FUT8: variants seen among roughly 807,000 people sequenced by gnomAD.
FUT8 encodes alpha-(1,6)-fucosyltransferase.
FUT8 carries 29 observed loss-of-function variants against 71.3 expected under a neutral mutation model. That is an observed-to-expected ratio of 0.41 (90% confidence interval 0.30 to 0.55). The LOEUF (loss-of-function observed/expected upper bound fraction) is 0.55. Among genes scored for constraint, FUT8 ranks in the 20% least tolerant of loss-of-function variants. The pLI is 0.34. For missense variants in FUT8, 544 were observed against 702.1 expected, an observed-to-expected ratio of 0.77 and a Z score of 2.55; for synonymous variants, 254 against 239.3, an observed-to-expected ratio of 1.06 and a Z score of -0.57.
At chr14:65,703,236 A>T (rs1894398985) in intron 7 of FUT8, among the ~76,000 whole-genome samples, 1 of 152,238 alleles carries the variant, frequency 6.6e-6, no homozygotes, top group East Asian at 1.9e-4. Context: ...AGCAATGGCA[A>T]GCCAAAGCCT....
chr14:65,679,964 A>C (rs557882646), intron 7 of FUT8, among the ~76,000 whole-genome samples: 27 of 152,294 alleles, frequency 1.8e-4, no homozygotes, highest in Admixed American at 1.6e-3. Context: ...TGACAGAGTT[A>C]AATGGTTCCA....
chr14:65,689,901 T>G lies in FUT8; in HGVS notation c.835+20421T>G, dbSNP rs182927427. ...ATTGTTTTATTTTATGGATTGTGCT[T>G]TTGGTGTTATATCTGAAAACTCATT... On this transcript the variant is annotated intron_variant, in intron 7 of 10. Transcript: ENST00000673929. Among the ~76,000 whole-genome samples, 499 of 152,328 alleles carry G rather than the reference T, an allele frequency of 3.3e-3. 3 individuals are homozygous for G. The highest frequency in any genetic ancestry group is 0.011 in the African/African-American group (450 of 41,572).
At chr14:65,411,836 A>T (rs1363801159), upstream of FUT8, 5 of 354,876 alleles carry the variant, frequency 1.4e-5, no homozygotes, top group East Asian at 3.9e-4. Context: ...CGCAGCTCTG[A>T]TTGGCCTCGG....
rs185381034 is a variant in FUT8 at position 65,683,961 on chromosome 14, T to A, written c.835+14481T>A. ...CCCTATTCTATTGTGGATATATAATTGAAATTAAATGTTTCTCATTTGAAT... is the reference window on the plus strand; with the variant it reads ...CCCTATTCTATTGTGGATATATAATAGAAATTAAATGTTTCTCATTTGAAT... On this transcript the variant is annotated intron_variant, in intron 7 of 10. Coordinates refer to ENST00000673929, the MANE Select transcript of FUT8 (RefSeq NM_001371533.1). Among the ~76,000 whole-genome samples, 430 of 152,088 alleles carry A rather than the reference T, an allele frequency of 2.8e-3. 1 individual carries two copies. Among genetic ancestry groups the A allele is most frequent in the Non-Finnish European group, 4.4e-3 (297 of 67,944 alleles).
intron 2 of FUT8, among the ~76,000 whole-genome samples, chr14:65,491,874 A>G: frequency 6.6e-6 from 1 of 152,180 alleles, no homozygotes; most frequent in South Asian, 2.1e-4. Flanking sequence ...TCATCATCAC[A>G]ATCTTTTTGT....
At chr14:65,716,725 G>A (rs1303295957) in intron 7 of FUT8, among the ~76,000 whole-genome samples, 1 of 151,966 alleles carries the variant, frequency 6.6e-6, no homozygotes, top group East Asian at 1.9e-4. Flanking sequence ...ATCATGGCCT[G>A]TTCTCGATGG....
chr14:65,449,438 C>CA (rs911295528), intron 1 of FUT8, among the ~76,000 whole-genome samples: 1 of 151,798 alleles, frequency 6.6e-6, no homozygotes, highest in Non-Finnish European at 1.5e-5. Context: ...TTCTTTTTGC[C>CA]AAAACAGAAA....
upstream of FUT8, among the ~76,000 whole-genome samples, chr14:65,406,209 A>G (rs1463832763): frequency 6.6e-6 from 1 of 152,256 alleles, no homozygotes; most frequent in Non-Finnish European, 1.5e-5. Context: ...AACATTTACT[A>G]TATGTCAAGA....
chr14:65,445,546 A>C (rs2065726385), intron 1 of FUT8, among the ~76,000 whole-genome samples: 1 of 152,164 alleles, frequency 6.6e-6, no homozygotes, highest in African/African-American at 2.4e-5. Flanking sequence ...ATGGATATAC[A>C]TGTGTTGAAA....
chr14:65,717,509 AC>A (rs1895176380), intron 7 of FUT8, among the ~76,000 whole-genome samples: 1 of 112,460 alleles, frequency 8.9e-6, no homozygotes, highest in Admixed American at 1.0e-4. Context: ...GGCGCTCCTC[AC>A]CTCCCAGACG....
chr14:65,653,087 G>A (rs1222150445), intron 6 of FUT8, among the ~76,000 whole-genome samples: 1 of 152,152 alleles, frequency 6.6e-6, no homozygotes, highest in Non-Finnish European at 1.5e-5. Context: ...AAGTCACATA[G>A]CATCACTTCT....
rs148379140 is a variant in FUT8, at chr14:65,693,612, G to T, written c.835+24132G>T. Among the ~76,000 whole-genome samples, 681 of 152,284 alleles carry T rather than the reference G, an allele frequency of 4.5e-3. 4 individuals carry two copies. The highest frequency in any genetic ancestry group is 0.014 in the African/African-American group (574 of 41,542). On this transcript the variant is annotated intron_variant, in intron 7 of 10. Transcript: ENST00000673929. ...TTTGATTTGCTAATATTTTGTTGAGGATTTTGCATCTACATTAATGAGAGC... is the reference window on the plus strand; with the variant it reads ...TTTGATTTGCTAATATTTTGTTGAGTATTTTGCATCTACATTAATGAGAGC...
At chr14:65,680,464 A>C (rs1892986066) in intron 7 of FUT8, among the ~76,000 whole-genome samples, 1 of 152,098 alleles carries the variant, frequency 6.6e-6, no homozygotes. Context: ...TCCCATTTGA[A>C]TTGCCTTGGT....
intron 2 of FUT8, among the ~76,000 whole-genome samples, chr14:65,536,216 T>C (rs762362905): frequency 1.3e-5 from 2 of 152,226 alleles, no homozygotes; most frequent in Non-Finnish European, 2.9e-5. Context: ...CTTGCCATTC[T>C]GTGCCTTTTA....
At chr14:65,521,542 G>A (rs1200105890) in intron 2 of FUT8, among the ~76,000 whole-genome samples, 1 of 152,208 alleles carries the variant, frequency 6.6e-6, no homozygotes, top group Non-Finnish European at 1.5e-5. Context: ...TGATAGTTGA[G>A]TGATGCTCTG....
At chr14:65,411,767 A>C (rs551374829), upstream of FUT8, 56 of 331,370 alleles carry the variant, frequency 1.7e-4, no homozygotes, top group African/African-American at 8.6e-4. Flanking sequence ...AAGAGTTTGG[A>C]ACGGGAAGCT....
intron 2 of FUT8, among the ~76,000 whole-genome samples, chr14:65,471,976 A>G (rs2066154496): frequency 6.6e-6 from 1 of 152,172 alleles, no homozygotes; most frequent in Admixed American, 6.6e-5. Context: ...CTAATTTGCA[A>G]GAAAGATTAA....
At chr14:65,612,891 CT>C (rs1236936213) in intron 3 of FUT8, among the ~76,000 whole-genome samples, 3 of 152,136 alleles carry the variant, frequency 2.0e-5, no homozygotes, top group Non-Finnish European at 4.4e-5. Flanking sequence ...ATATCTGTAT[CT>C]TTGGCATGGT....
At position 65,616,347 on chromosome 14, in the gene FUT8, T is replaced by G. The variant is rs1463221434; in HGVS notation, c.456T>G (p.Phe152Leu). 6.2e-7 allele frequency: 1 copy of G among 1,605,164 alleles called. No homozygotes were observed. The highest frequency in any genetic ancestry group is 8.5e-7 in the Non-Finnish European group (1 of 1,177,016). ...GNELQRHADE[F>L]LLDLGHHERS... The stretch of plus-strand genomic sequence containing the variant: ...AACTCCAAAGACATGCAGATGAATT[T>G]CTTTTGGATTTAGGACATCATGAAA... The change falls in exon 5 of 11, where the codon TTT (phenylalanine) becomes TTG (leucine). Residue 152 changes from phenylalanine (F) to leucine (L), a missense_variant. Phe to Leu is a conservative substitution (Grantham distance 22). Coordinates refer to ENST00000673929, the MANE Select transcript of FUT8 (RefSeq NM_001371533.1).
Sources: gnomAD v4.1 joint callset for allele counts (sites outside exome capture counted in the v4.1 genomes callset) on GRCh38, gnomAD v4.1.1 for gene constraint, MANE v1.5 for transcripts, NCBI Gene and HGNC (gene_info 2026-07-23, HGNC 2026-07-21) for gene names.